SAMMSON: variants seen among roughly 807,000 people sequenced by gnomAD.
The protein encoded by SAMMSON is long intergenic non-protein coding RNA 1212.
chr3:70,400,559 T>A (rs1371655174), intron 2 of SAMMSON, among the ~76,000 whole-genome samples: 8 of 152,156 alleles, frequency 5.3e-5, no homozygotes, highest in Admixed American at 5.2e-4. Context: ...CAAATAAACA[T>A]CTTTTCTTTA....
intron 6 of SAMMSON, among the ~76,000 whole-genome samples, chr3:70,275,778 A>G (rs902323451): frequency 6.6e-6 from 1 of 152,218 alleles, no homozygotes; most frequent in South Asian, 2.1e-4. Flanking sequence ...TTTATAGCAT[A>G]TAATAAGTGC....
intron 4 of SAMMSON, among the ~76,000 whole-genome samples, chr3:70,082,780 A>T (rs968121274): frequency 3.9e-5 from 6 of 152,222 alleles, no homozygotes; most frequent in Non-Finnish European, 8.8e-5. Flanking sequence ...TTACTCTCCC[A>T]ATGGCAAATG....
chr3:70,221,891 G>A (rs1044722652), intron 4 of SAMMSON, among the ~76,000 whole-genome samples: 18 of 152,158 alleles, frequency 1.2e-4, no homozygotes, highest in African/African-American at 4.3e-4. Context: ...ACCGCAATTT[G>A]TGCCAACCCA....
intron 9 of SAMMSON, among the ~76,000 whole-genome samples, chr3:70,369,295 A>T (rs1383814428): frequency 6.6e-6 from 1 of 151,696 alleles, no homozygotes; most frequent in African/African-American, 2.4e-5. Flanking sequence ...TCGATAGACA[A>T]TCATGTCATC....
At chr3:70,222,877 G>T (rs959712790) in intron 4 of SAMMSON, among the ~76,000 whole-genome samples, 2 of 152,258 alleles carry the variant, frequency 1.3e-5, no homozygotes. Flanking sequence ...CTATTGTCAA[G>T]GTCAATCTGA....
chr3:70,069,639 A>G (rs1186307657), intron 3 of SAMMSON: 1 of 152,084 alleles, frequency 6.6e-6, no homozygotes, highest in Non-Finnish European at 1.5e-5. Flanking sequence ...TGCTTGCCAG[A>G]CGCCCGGCAT....
At chr3:70,062,074 C>T (rs1256312672) in intron 3 of SAMMSON, among the ~76,000 whole-genome samples, 2 of 152,030 alleles carry the variant, frequency 1.3e-5, no homozygotes, top group African/African-American at 2.4e-5. Context: ...CAGCCAAGTG[C>T]GTTGGTTTTT....
At chr3:70,322,839 C>T (rs897751718) in intron 7 of SAMMSON, among the ~76,000 whole-genome samples, 5 of 152,074 alleles carry the variant, frequency 3.3e-5, no homozygotes, top group Non-Finnish European at 7.4e-5. Context: ...ATCAGTGTGT[C>T]CCTAAATTAT....
chr3:70,367,021 T>C (rs970787868), intron 9 of SAMMSON, among the ~76,000 whole-genome samples: 5 of 151,680 alleles, frequency 3.3e-5, no homozygotes, highest in African/African-American at 1.2e-4. Context: ...TCCTTTGAGT[T>C]CCAAAAAAAT....
intron 2 of SAMMSON, among the ~76,000 whole-genome samples, chr3:70,401,104 C>T (rs1024024566): frequency 1.3e-5 from 2 of 152,012 alleles, no homozygotes; most frequent in African/African-American, 4.8e-5. Context: ...CTTTTGTTTT[C>T]CTTTTTCATT....
chr3:70,311,630 T>C (rs985543932), intron 7 of SAMMSON, among the ~76,000 whole-genome samples: 1 of 152,040 alleles, frequency 6.6e-6, no homozygotes, highest in African/African-American at 2.4e-5. Flanking sequence ...GAGTAGAAAA[T>C]GCATATTAAG....
chr3:70,138,445 G>A (rs1455185080), intron 4 of SAMMSON, among the ~76,000 whole-genome samples: 3 of 144,474 alleles, frequency 2.1e-5, no homozygotes, highest in Non-Finnish European at 3.0e-5. Context: ...GGTGAGAGAT[G>A]TCTCTAGAGG....
chr3:70,057,896 C>T (rs1463376578), intron 3 of SAMMSON, among the ~76,000 whole-genome samples: 1 of 151,978 alleles, frequency 6.6e-6, no homozygotes, highest in Non-Finnish European at 1.5e-5. Flanking sequence ...GTGGAAAATC[C>T]TGTTCCAGGT....
chr3:70,399,088 G>A (rs1043475538), intron 2 of SAMMSON, among the ~76,000 whole-genome samples: 8 of 152,178 alleles, frequency 5.3e-5, no homozygotes, highest in African/African-American at 1.9e-4. Context: ...CAATGGAAAT[G>A]GAGACAGAAA....
intron 7 of SAMMSON, among the ~76,000 whole-genome samples, chr3:70,307,096 T>C (rs754147579): frequency 2.7e-4 from 41 of 152,170 alleles, no homozygotes; most frequent in Non-Finnish European, 5.9e-5. Context: ...CATTTAGAGA[T>C]ACACCCTCCT....
chr3:70,365,587 T>C (rs909670097), intron 9 of SAMMSON, among the ~76,000 whole-genome samples: 1 of 151,790 alleles, frequency 6.6e-6, no homozygotes, highest in Non-Finnish European at 1.5e-5. Flanking sequence ...ATTTACTTGT[T>C]AAGTCCAGTG....
intron 9 of SAMMSON, among the ~76,000 whole-genome samples, chr3:70,373,612 C>T (rs570068947): frequency 2.0e-5 from 3 of 152,114 alleles, no homozygotes; most frequent in Non-Finnish European, 4.4e-5. Context: ...TTAGATTTCT[C>T]ATTATGGTCC....
intron 2 of SAMMSON, among the ~76,000 whole-genome samples, chr3:70,395,323 C>T (rs957853945): frequency 7.5e-6 from 1 of 133,738 alleles, no homozygotes; most frequent in East Asian, 2.6e-4. Flanking sequence ...CTCCTTCTCT[C>T]TCTCTCTCTT....
chr3:70,089,514 C>T (rs968156565), intron 4 of SAMMSON, among the ~76,000 whole-genome samples: 10 of 122,410 alleles, frequency 8.2e-5, no homozygotes, highest in Non-Finnish European at 1.1e-4. Context: ...GTGATAACAT[C>T]GTGCATTTTT....
Sources: allele counts gnomAD v4.1 joint callset (sites outside exome capture counted in the v4.1 genomes callset), GRCh38; gene constraint gnomAD v4.1.1; transcripts MANE v1.5; gene names NCBI Gene and HGNC (gene_info 2026-07-23, HGNC 2026-07-21).